The following ZBED6 variants were observed in gnomAD, a reference collection of about 807,000 sequenced individuals.
The protein encoded by ZBED6 is zinc finger BED domain-containing protein 6.
A neutral mutation model predicts 58.4 loss-of-function variants in ZBED6; 40 were observed. That is an observed-to-expected ratio of 0.68 (90% confidence interval 0.53 to 0.89). The LOEUF is 0.89. Among genes scored for constraint, ZBED6 ranks in the 40% least tolerant of loss-of-function variants. The pLI is 0.00. For missense variants in ZBED6, 1,057 were observed against 1,003.9 expected (o/e 1.05, Z -0.71); for synonymous variants, 439 against 350.6 (o/e 1.25, Z -2.82).
At chr1:203,841,538 C>T (rs1248733863) in intron 11 of ZBED6, among the ~76,000 whole-genome samples, 1 of 152,216 alleles carries the variant, frequency 6.6e-6, no homozygotes, top group Non-Finnish European at 1.5e-5. Flanking sequence ...AAAATGGAGT[C>T]TCCCATGTCT....
intron 11 of ZBED6, among the ~76,000 whole-genome samples, chr1:203,842,743 A>G (rs1399484658): frequency 6.6e-6 from 1 of 151,728 alleles, no homozygotes; most frequent in Non-Finnish European, 1.5e-5. Context: ...CTTTAAAAAA[A>G]TCTTCAAAAA....
At chr1:203,843,046 C>G (rs2050697) in intron 11 of ZBED6, among the ~76,000 whole-genome samples, 149,229 of 152,174 alleles carry the variant, frequency 0.98, 73,241 homozygotes, top group East Asian at 1. Context: ...ATCCTTATCT[C>G]ATTTGGATGT....
At chr1:203,833,924 T>C in intron 9 of ZBED6, 71 bp downstream of exon 9, 1 of 1,544,160 alleles carries the variant, frequency 6.5e-7, no homozygotes, top group Non-Finnish European at 8.8e-7. Flanking sequence ...TTCTCCAAAC[T>C]CTTTTTATAC....
chr1:203,802,714 C>CTTTTTTTTTTTTTTTTTTTT (rs150416242), exon 1 of ZBED6: 4 of 131,660 alleles, frequency 3.0e-5, no homozygotes, highest in Non-Finnish European at 3.3e-5. Context: ...TAAATGAACT[C>CTTTTTTTTTTTTTTTTTTTT]TTTTTTTTTG....
chr1:203,842,205 G>A (rs12131308), intron 11 of ZBED6, among the ~76,000 whole-genome samples: 72,934 of 151,544 alleles, frequency 0.48, 18,049 homozygotes, highest in Non-Finnish European at 0.52. Flanking sequence ...GGTGGCGGCC[G>A]GGCAGAGGCT....
intron 1 of ZBED6, among the ~76,000 whole-genome samples, chr1:203,811,138 T>C (rs1674346576): frequency 7.4e-6 from 1 of 135,992 alleles, no homozygotes; most frequent in Non-Finnish European, 1.5e-5. Flanking sequence ...AGTGAAACTC[T>C]GTCACAAAAA....
At chr1:203,796,625 G>A in exon 1 of ZBED6, 1 of 395,708 alleles carries the variant, frequency 2.5e-6, no homozygotes, top group East Asian at 3.6e-5. Context: ...GGTATTGGGG[G>A]AAGGGGAGGG....
chr1:203,797,641 A>T, exon 1 of ZBED6: 2 of 1,536,116 alleles, frequency 1.3e-6, no homozygotes, highest in Non-Finnish European at 1.7e-6. Context: ...ACAGATGAAG[A>T]AGATGTGGTA....
rs142870888 is a variant in ZBED6, at chr1:203,852,165, C to G, written c.*4898C>G. ...GTCTTGTGCTGCCTCCAACCCAGTC[C>G]TCTTCAGATTCCTCACCCCCGGAGG... On this transcript the variant is annotated 3_prime_UTR_variant, in exon 17 of 17. Coordinates refer to ENST00000550078, the Ensembl canonical transcript of ZBED6. The G allele has an allele frequency of 3.1e-3, 5,056 of 1,613,566 alleles. 159 individuals carry two copies. In the African/African-American group the frequency reaches 0.058, roughly 18 times the overall value.
exon 17 of ZBED6, chr1:203,853,981 T>C (rs926176290): frequency 3.9e-5 from 6 of 152,684 alleles, no homozygotes; most frequent in African/African-American, 1.4e-4. Flanking sequence ...CTTTATTCTT[T>C]TGCTTTTTTA....
At chr1:203,803,666 C>A (rs1449962935) in intron 1 of ZBED6, among the ~76,000 whole-genome samples, 1 of 152,166 alleles carries the variant, frequency 6.6e-6, no homozygotes, top group Non-Finnish European at 1.5e-5. Context: ...AGTGCAGTGG[C>A]ATGATCATAG....
At chr1:203,848,272 T>C in intron 12 of ZBED6, 59 bp from the exon 13 acceptor site, 2 of 1,393,622 alleles carry the variant, frequency 1.4e-6, no homozygotes, top group Non-Finnish European at 2.0e-6. Context: ...GTTTAACATA[T>C]CTATCATGAA....
At chr1:203,800,811 T>A (rs1670337048) in exon 1 of ZBED6, 1 of 166,920 alleles carries the variant, frequency 6.0e-6, no homozygotes, top group Non-Finnish European at 1.3e-5. Flanking sequence ...ATGGGAAATT[T>A]TATTGCTCTG....
chr1:203,840,636 ATTTT>A (rs1161488866), intron 11 of ZBED6, among the ~76,000 whole-genome samples: 1 of 125,702 alleles, frequency 8.0e-6, no homozygotes. Flanking sequence ...TTATTTATTT[ATTTT>A]ATTTATTTTT....
intron 3 of ZBED6, among the ~76,000 whole-genome samples, chr1:203,820,227 T>C: frequency 6.8e-6 from 1 of 147,184 alleles, no homozygotes; most frequent in Non-Finnish European, 1.5e-5. Context: ...AGGGCGAGAC[T>C]CCATCTCAAG....
intron 3 of ZBED6, among the ~76,000 whole-genome samples, chr1:203,827,650 C>T (rs1047339451): frequency 4.0e-5 from 6 of 151,092 alleles, no homozygotes; most frequent in African/African-American, 7.3e-5. Flanking sequence ...CCACTGCACT[C>T]CAGCCTGGGT....
chr1:203,813,208 G>T (rs1020230063), intron 1 of ZBED6, among the ~76,000 whole-genome samples: 18 of 150,908 alleles, frequency 1.2e-4, no homozygotes, highest in Admixed American at 1.3e-4. Flanking sequence ...TTTGTTTTTT[G>T]TTTTTTGTTT....
intron 13 of ZBED6, among the ~76,000 whole-genome samples, chr1:203,848,703 C>A (rs1381479416): frequency 1.3e-5 from 2 of 152,114 alleles, no homozygotes; most frequent in Admixed American, 6.6e-5. Context: ...CTGGCTAACA[C>A]GGTGAAACCC....
At chr1:203,829,306 C>T (rs576130809) in intron 4 of ZBED6, 145 bp from the exon 5 acceptor site, 8 of 782,378 alleles carry the variant, frequency 1.0e-5, no homozygotes, top group Non-Finnish European at 1.6e-5. Flanking sequence ...TTTTCCCTCC[C>T]TGGGACTTTA....
Sources: gnomAD v4.1 joint callset for allele counts (sites outside exome capture counted in the v4.1 genomes callset) on GRCh38, gnomAD v4.1.1 for gene constraint, MANE v1.5 for transcripts, NCBI Gene and HGNC (gene_info 2026-07-23, HGNC 2026-07-21) for gene names.